Variants in REXO1 observed in about 807,000 individuals in gnomAD.
REXO1 encodes REX1, RNA exonuclease 1 homolog.
Under a neutral mutation model 102.6 loss-of-function variants are expected in REXO1, and 42 were observed. The observed-to-expected ratio is 0.41, with a 90% confidence interval of 0.32 to 0.53. The LOEUF (loss-of-function observed/expected upper bound fraction) is 0.53. Among genes scored for constraint, REXO1 ranks in the 20% least tolerant of loss-of-function variants. The probability of loss-of-function intolerance (pLI) is 0.27; values close to 1 mark genes in which losing one functional copy is unlikely to be tolerated. For synonymous variants in REXO1, 908 were observed against 779.1 expected, an observed-to-expected ratio of 1.17 and a Z score of -2.76; for missense variants, 1,819 against 1,732.5, an observed-to-expected ratio of 1.05 and a Z score of -0.89.
In REXO1 at chr19:1,816,557, C is replaced by G. The variant is rs1222518910; in HGVS notation, c.3330G>C (p.Val1110=). 2 of 1,610,396 alleles carry G rather than the reference C, an allele frequency of 1.2e-6. No homozygotes were observed. Among genetic ancestry groups the G allele is most frequent in the South Asian group, 2.2e-5 (2 of 91,002 alleles). Residue 1110 remains valine (V), a synonymous_variant, in exon 14 of 16, where the codon GTG becomes GTC. Transcript: ENST00000170168. Reference sequence around the variant, plus strand: ...TTGTGTCGGCAAGGTCAGCCTCCGTCACCCCCGAAAACCTGGGGGAACGGG... The same window carrying G: ...TTGTGTCGGCAAGGTCAGCCTCCGTGACCCCCGAAAACCTGGGGGAACGGG... The part of the protein sequence containing the change: ...IVDYNTRFSG[V]TEADLADTSV...
At chr19:1,839,806 T>TAGCAGTGCCCTGCAGAAGCAGC (rs2011208389) in intron 1 of REXO1, among the ~76,000 whole-genome samples, 1 of 152,198 alleles carries the variant, frequency 6.6e-6, no homozygotes, top group African/African-American at 2.4e-5. Context: ...GTGCCTGGCA[T>TAGCAGTGCCCTGCAGAAGCAGC]AGTGCCTGGG....
At chr19:1,824,062 A>C in intron 3 of REXO1, 1 of 364,958 alleles carries the variant, frequency 2.7e-6, no homozygotes, top group Non-Finnish European at 4.9e-6. Flanking sequence ...TACCCCGATT[A>C]CACTGGCACT....
intron 11 of REXO1, 146 bp downstream of exon 11, chr19:1,817,561 A>G (rs1289139204): frequency 1.4e-6 from 2 of 1,445,990 alleles, no homozygotes; most frequent in Non-Finnish European, 1.8e-6. Flanking sequence ...TACGGGTGCT[A>G]CGTTCTCTGG....
rs1194890904 is a variant in REXO1 at position 1,823,799 on chromosome 19, A to G, written c.2017-14T>C. 1.7e-6 allele frequency: 2 copies of G among 1,199,320 alleles called. No individual in the cohort carries two copies. The highest frequency in any genetic ancestry group is 2.1e-6 in the Non-Finnish European group (2 of 949,320). The allele number at this position is 1,199,320 out of a possible 1,614,324, so 74.3% of individuals were successfully genotyped here. Reference sequence around the variant, plus strand: ...CGGGGGCTCCACCTGCGTCACCACAAATGCTAAGGCCTGGCAGCACAGCGG... The same window carrying G: ...CGGGGGCTCCACCTGCGTCACCACAGATGCTAAGGCCTGGCAGCACAGCGG... On this transcript the variant is annotated splice_polypyrimidine_tract_variant and intron_variant, in intron 3 of 15. Transcript: ENST00000170168.
intron 1 of REXO1, among the ~76,000 whole-genome samples, chr19:1,842,073 T>G (rs535150282): frequency 6.6e-6 from 1 of 152,102 alleles, no homozygotes; most frequent in African/African-American, 2.4e-5. Context: ...TAGCCAGGCG[T>G]GGTAGCAGGT....
chr19:1,830,661 C>A, intron 1 of REXO1: 1 of 207,404 alleles, frequency 4.8e-6, no homozygotes. Flanking sequence ...GGTATATCCC[C>A]TTAGATGGCA....
At chr19:1,818,441 G>A (rs773408696) in intron 10 of REXO1, 41 bp downstream of exon 10, 31 of 1,480,072 alleles carry the variant, frequency 2.1e-5, no homozygotes, top group South Asian at 1.7e-4. Context: ...AGGTTCCGGG[G>A]GCCATGGGTG....
At chr19:1,836,311 C>T (rs1315584293) in intron 1 of REXO1, among the ~76,000 whole-genome samples, 2 of 152,164 alleles carry the variant, frequency 1.3e-5, no homozygotes, top group African/African-American at 4.8e-5. Context: ...CTAGTGAGAC[C>T]CGTCCAAACT....
rs762589776 is a variant in REXO1 at position 1,828,240 on chromosome 19, C to T, written c.549G>A (p.Ala183=). Residue 183 remains alanine, a synonymous_variant, in exon 2 of 16, where the codon GCG becomes GCA. Coordinates refer to ENST00000170168, the MANE Select transcript of REXO1 (RefSeq NM_020695.4). The part of the protein sequence containing the change: ...PAEPGSKYSL[A]SLDRGQGRGG... ...CTCTGCCCTGACCCCTGTCCAGGGA[C>T]GCCAGCGAGTACTTGCTGCCCGGCT... The T allele has an allele frequency of 2.1e-5, 33 of 1,606,308 alleles. No individual in the cohort carries two copies. Among genetic ancestry groups the T allele is most frequent in the African/African-American group, 2.0e-4 (15 of 74,758 alleles).
chr19:1,838,769 CA>C (rs897856154), intron 1 of REXO1, among the ~76,000 whole-genome samples: 43 of 152,046 alleles, frequency 2.8e-4, no homozygotes, highest in African/African-American at 1.0e-3. Context: ...CCATCCCTGC[CA>C]AGAGCCCACC....
Position 1,821,755 on chromosome 19 carries a change from C to T in REXO1, c.2231-73G>A, listed in dbSNP as rs746007924. On this transcript the variant is annotated intron_variant, in intron 4 of 15. Coordinates refer to ENST00000170168, the MANE Select transcript of REXO1 (RefSeq NM_020695.4). ...ACCACGTGGCGGAGCACCAGGCAGC[C>T]GCGGCCGCTCAGCGCCAGCAGCACG... 2.0e-5 allele frequency: 29 copies of T among 1,426,172 alleles called. No individual in the cohort carries two copies. The South Asian group carries it at 2.5e-4, about 12-fold the overall frequency. 88.3% of individuals were successfully genotyped at this position (1,426,172 alleles called of 1,614,324 possible).
At chr19:1,817,480 G>C in intron 11 of REXO1, 151 bp from the exon 12 acceptor site, 1 of 1,474,504 alleles carries the variant, frequency 6.8e-7, no homozygotes, top group Non-Finnish European at 9.0e-7. Flanking sequence ...GTGGGGAAGG[G>C]GGCTTGCCAA....
At chr19:1,845,493 G>A (rs891037061) in intron 1 of REXO1, among the ~76,000 whole-genome samples, 3 of 152,230 alleles carry the variant, frequency 2.0e-5, no homozygotes, top group African/African-American at 4.8e-5. Flanking sequence ...GTGAGACCCC[G>A]TCTCGGCAAA....
At chr19:1,845,499 G>A (rs1200956121) in intron 1 of REXO1, among the ~76,000 whole-genome samples, 1 of 152,132 alleles carries the variant, frequency 6.6e-6, no homozygotes, top group Non-Finnish European at 1.5e-5. Context: ...CCCCGTCTCG[G>A]CAAAAATTTT....
chr19:1,848,129 G>T, intron 1 of REXO1, 73 bp downstream of exon 1: 1 of 767,688 alleles, frequency 1.3e-6, no homozygotes, highest in South Asian at 6.6e-5. Context: ...CGGGGACCCC[G>T]GGCGGGACCG....
At chr19:1,819,292 G>A (rs1049865312) in intron 7 of REXO1, among the ~76,000 whole-genome samples, 161 bp from the exon 8 acceptor site, 2 of 148,344 alleles carry the variant, frequency 1.3e-5, no homozygotes, top group Non-Finnish European at 3.0e-5. Flanking sequence ...GACCCGAACA[G>A]GAGAGGCAGA....
In REXO1 at chr19:1,827,975, G is replaced by A; in HGVS notation, c.814C>T (p.Pro272Ser). Residue 272 changes from proline to serine, a missense_variant, in exon 2 of 16, where the codon CCC becomes TCC. By Grantham distance (74) the Pro-to-Ser change is moderately conservative. Transcript: ENST00000170168. ...SRGSEPYTPA[P>S]KKLCDPFGSC... ...CCAAAGGGGTCACAGAGCTTCTTGG[G>A]AGCAGGTGTGTAGGGCTCACTGCCG... 1 of 1,613,606 alleles carries A rather than the reference G, an allele frequency of 6.2e-7. No individual in the cohort carries two copies. The highest frequency in any genetic ancestry group is 8.5e-7 in the Non-Finnish European group (1 of 1,179,860).
intron 1 of REXO1, among the ~76,000 whole-genome samples, chr19:1,844,373 C>T (rs56900624): frequency 5.6e-4 from 85 of 152,318 alleles, no homozygotes; most frequent in African/African-American, 2.0e-3. Flanking sequence ...AGGTAGGGAC[C>T]CCAGAGCCCA....
In REXO1 at chr19:1,826,475, T is replaced by G. The variant is rs1200502825; in HGVS notation, c.1911+403A>C. Among the ~76,000 whole-genome samples the G allele has an allele frequency of 6.1e-4, 26 of 42,646 alleles. No homozygotes were observed. Among genetic ancestry groups the G allele is most frequent in the South Asian group, 8.4e-4 (1 of 1,192 alleles). 28.0% of individuals were successfully genotyped at this position (42,646 alleles called of 152,430 possible). A position where few individuals can be genotyped will look rare whatever the true frequency, so the allele number is the denominator to read the frequency against. On this transcript the variant is annotated intron_variant, in intron 2 of 15. Coordinates refer to ENST00000170168, the MANE Select transcript of REXO1 (RefSeq NM_020695.4). The surrounding 1 kb of genome is among the most constrained non-coding windows in gnomAD (Gnocchi z 4.3). ...GGAGCTGGAAGAGAAGAGACAGAGA[T>G]GGGGGAAGGGAGGAGGGGAGAAGAG...
Sources: allele counts gnomAD v4.1 joint callset (sites outside exome capture counted in the v4.1 genomes callset), GRCh38; gene constraint gnomAD v4.1.1; non-coding constraint Gnocchi (gnomAD v3.1); transcripts MANE v1.5; gene names NCBI Gene and HGNC (gene_info 2026-07-23, HGNC 2026-07-21).